EPHA3: variants seen among roughly 807,000 people sequenced by gnomAD.
EPHA3 encodes ephrin type-A receptor 3.
A neutral mutation model predicts 107.1 loss-of-function variants in EPHA3; 42 were observed. The observed-to-expected ratio is 0.39, with a 90% CI of 0.31 to 0.51. The LOEUF is 0.51. Ranked by LOEUF, EPHA3 falls within the 20% of genes least tolerant of loss-of-function variation. The pLI, the probability that EPHA3 is intolerant of heterozygous loss-of-function variation, is 0.78. For missense variants in EPHA3, 1,183 were observed against 1,211.2 expected (o/e 0.98, Z 0.35); for synonymous variants, 461 against 424.8 (o/e 1.09, Z -1.05).
At chr3:89,389,289 A>T (rs1453300477) in intron 5 of EPHA3, among the ~76,000 whole-genome samples, 1 of 152,236 alleles carries the variant, frequency 6.6e-6, no homozygotes, top group Non-Finnish European at 1.5e-5. Flanking sequence ...GAAAAAACTG[A>T]GAAGGAAATG....
chr3:89,339,370 CAAAAAAAA>C (rs10575384), intron 3 of EPHA3, among the ~76,000 whole-genome samples: 3 of 106,632 alleles, frequency 2.8e-5, no homozygotes, highest in Non-Finnish European at 5.6e-5. Context: ...GACTCCATCT[CAAAAAAAA>C]AAAAAAAAAA....
At chr3:89,208,199 A>G (rs986894503) in intron 2 of EPHA3, among the ~76,000 whole-genome samples, 9 of 151,688 alleles carry the variant, frequency 5.9e-5, no homozygotes, top group African/African-American at 2.2e-4. Context: ...GAGAAACCCC[A>G]TCTCTACTAA....
At chr3:89,143,370 A>G (rs1023748563) in intron 2 of EPHA3, among the ~76,000 whole-genome samples, 11 of 151,514 alleles carry the variant, frequency 7.3e-5, no homozygotes, top group African/African-American at 2.7e-4. Context: ...GTGATTAAGA[A>G]TCAGTCATTA....
chr3:89,146,842 G>A (rs775295756), intron 2 of EPHA3, among the ~76,000 whole-genome samples: 3 of 151,860 alleles, frequency 2.0e-5, no homozygotes, highest in Admixed American at 6.6e-5. Flanking sequence ...AAGGGGCCTA[G>A]TTTCTGTTTT....
chr3:89,270,056 A>C (rs1705631162), intron 3 of EPHA3, among the ~76,000 whole-genome samples: 1 of 151,742 alleles, frequency 6.6e-6, no homozygotes, highest in Admixed American at 6.6e-5. Flanking sequence ...AAAGGACCAA[A>C]TGTGAAAGCC....
chr3:89,477,222 C>T (rs961951939), intron 16 of EPHA3, among the ~76,000 whole-genome samples: 34 of 152,134 alleles, frequency 2.2e-4, no homozygotes, highest in African/African-American at 7.5e-4. Context: ...TTCCATCATC[C>T]GCAGTACACT....
chr3:89,156,825 G>C (rs1704817845), intron 2 of EPHA3, among the ~76,000 whole-genome samples: 1 of 151,612 alleles, frequency 6.6e-6, no homozygotes, highest in Admixed American at 6.6e-5. Context: ...ATGACTTTTG[G>C]TGGCATCACT....
intron 5 of EPHA3, among the ~76,000 whole-genome samples, chr3:89,348,663 G>T (rs1707733110): frequency 9.7e-6 from 1 of 102,938 alleles, no homozygotes. Context: ...GCTAGCTTTT[G>T]AATGTGTTTG....
intron 3 of EPHA3, among the ~76,000 whole-genome samples, chr3:89,218,948 A>G (rs929260899): frequency 5.3e-5 from 8 of 152,196 alleles, no homozygotes; most frequent in African/African-American, 1.9e-4. Flanking sequence ...TAGAACTAGA[A>G]GCATCTTGGA....
At chr3:89,447,344 C>T (rs543611400) in intron 13 of EPHA3, among the ~76,000 whole-genome samples, 2 of 152,230 alleles carry the variant, frequency 1.3e-5, no homozygotes, top group Admixed American at 1.3e-4. Context: ...ATTCTTCCTG[C>T]TGATGGTGTT....
At chr3:89,386,962 C>T (rs188537858) in intron 5 of EPHA3, among the ~76,000 whole-genome samples, 2,425 of 152,238 alleles carry the variant, frequency 0.016, 62 homozygotes, top group African/African-American at 0.055. Flanking sequence ...GTGTATTTAG[C>T]CAATGGCCGT....
At chr3:89,159,371 G>T (rs1249884776) in intron 2 of EPHA3, among the ~76,000 whole-genome samples, 1 of 152,066 alleles carries the variant, frequency 6.6e-6, no homozygotes, top group Non-Finnish European at 1.5e-5. Context: ...CTCAGAAAGT[G>T]GCTAGATACA....
At chr3:89,109,397 C>T (rs1239185301) in intron 1 of EPHA3, among the ~76,000 whole-genome samples, 1 of 151,856 alleles carries the variant, frequency 6.6e-6, no homozygotes, top group Non-Finnish European at 1.5e-5. Context: ...AATTTTTGTT[C>T]TTTGCAGATA....
At chr3:89,182,551 T>C (rs1433502471) in intron 2 of EPHA3, among the ~76,000 whole-genome samples, 1 of 151,924 alleles carries the variant, frequency 6.6e-6, no homozygotes, top group African/African-American at 2.4e-5. Flanking sequence ...CCTTACATTA[T>C]GTCATGAAAA....
chr3:89,134,939 G>A (rs375993698), intron 2 of EPHA3, among the ~76,000 whole-genome samples: 3 of 152,144 alleles, frequency 2.0e-5, no homozygotes, highest in East Asian at 1.9e-4. Context: ...AAAACAAAAC[G>A]AGAAATGCAC....
At chr3:89,408,314 T>G (rs575774484) in intron 9 of EPHA3, among the ~76,000 whole-genome samples, 183 bp downstream of exon 9, 1 of 152,268 alleles carries the variant, frequency 6.6e-6, no homozygotes, top group South Asian at 2.1e-4. Context: ...AAATAATTTT[T>G]ACATGTGTAC....
At chr3:89,320,706 G>A (rs59969878) in intron 3 of EPHA3, among the ~76,000 whole-genome samples, 70,528 of 151,696 alleles carry the variant, frequency 0.46, 16,705 homozygotes, top group African/African-American at 0.52. Flanking sequence ...ATATTAGATT[G>A]CCAGCAATGA....
rs540446527 is a variant in EPHA3 at position 89,355,436 on chromosome 3, A to G, written c.1306+13346A>G. On this transcript the variant is annotated intron_variant, in intron 5 of 16. Transcript: ENST00000336596. ...TAAGTGAAGCAAATATGCCTTGGGA[A>G]AAAAAGGTATTTGAAAAACAAAGTG... Among the ~76,000 whole-genome samples the G allele has an allele frequency of 7.8e-4, 118 of 151,570 alleles. 1 individual carries two copies. Among genetic ancestry groups the G allele is most frequent in the African/African-American group, 2.8e-3 (116 of 41,512 alleles).
intron 3 of EPHA3, among the ~76,000 whole-genome samples, chr3:89,321,226 C>A (rs1183649447): frequency 1.3e-5 from 2 of 151,970 alleles, no homozygotes; most frequent in African/African-American, 2.4e-5. Context: ...GAAGGAAGGT[C>A]TTTTGGCAAG....
Sources: allele counts gnomAD v4.1 joint callset (sites outside exome capture counted in the v4.1 genomes callset), GRCh38; gene constraint gnomAD v4.1.1; transcripts MANE v1.5; gene names NCBI Gene and HGNC (gene_info 2026-07-23, HGNC 2026-07-21).